Variants in MELK observed in about 807,000 individuals in gnomAD.
The protein encoded by MELK is maternal embryonic leucine zipper kinase.
MELK carries 81 observed loss-of-function variants against 85.0 expected under a neutral mutation model. That is an observed-to-expected ratio of 0.95 (90% CI 0.80 to 1.15). MELK has a LOEUF of 1.15. Ranked by LOEUF, MELK falls within the 50% of genes most tolerant of loss-of-function variation. The pLI is 0.00. For missense variants in MELK, 754 were observed against 777.5 expected (o/e 0.97, Z 0.36); for synonymous variants, 252 against 265.0 (o/e 0.95, Z 0.48).
intron 11 of MELK, among the ~76,000 whole-genome samples, chr9:36,646,495 A>G (rs1213502911): frequency 6.6e-6 from 1 of 152,182 alleles, no homozygotes; most frequent in South Asian, 2.1e-4. Context: ...TGCTTTCTCT[A>G]TGCAGCGGTG....
At chr9:36,591,887 C>T (rs1474450001) in intron 4 of MELK, among the ~76,000 whole-genome samples, 1 of 152,116 alleles carries the variant, frequency 6.6e-6, no homozygotes, top group Non-Finnish European at 1.5e-5. Flanking sequence ...GATTGCACCA[C>T]TGCACTCCAG....
At chr9:36,590,430 A>G (rs920825936) in intron 4 of MELK, among the ~76,000 whole-genome samples, 1 of 152,112 alleles carries the variant, frequency 6.6e-6, no homozygotes, top group Non-Finnish European at 1.5e-5. Flanking sequence ...AGTTGCTGGC[A>G]GTCCTTGGCA....
At chr9:36,597,976 A>T (rs539316892) in intron 6 of MELK, among the ~76,000 whole-genome samples, 1 of 152,312 alleles carries the variant, frequency 6.6e-6, no homozygotes, top group South Asian at 2.1e-4. Flanking sequence ...GTCTACACTC[A>T]TTAAGAATGT....
intron 7 of MELK, 78 bp downstream of exon 7, chr9:36,599,564 C>T (rs1824696372): frequency 4.2e-6 from 4 of 962,768 alleles, no homozygotes; most frequent in East Asian, 2.5e-5. Flanking sequence ...AGGCACTGTG[C>T]GTTGGGGGTA....
At chr9:36,660,450 G>A (rs909064460) in intron 13 of MELK, among the ~76,000 whole-genome samples, 1 of 151,340 alleles carries the variant, frequency 6.6e-6, no homozygotes, top group Admixed American at 6.6e-5. Context: ...CCCGAGTATC[G>A]GGGACTATAG....
intron 8 of MELK, among the ~76,000 whole-genome samples, chr9:36,616,191 A>G (rs1224986516): frequency 2.6e-5 from 4 of 152,120 alleles, no homozygotes; most frequent in Admixed American, 6.5e-5. Flanking sequence ...AGTAAAATTG[A>G]CCCTTTGTAT....
intron 12 of MELK, 80 bp from the exon 13 acceptor site, chr9:36,657,161 G>A (rs779343180): frequency 3.7e-5 from 54 of 1,444,572 alleles, no homozygotes; most frequent in Admixed American, 6.8e-5. Flanking sequence ...TGTCTCTGTC[G>A]TTAAGTGACG....
chr9:36,592,172 CTTTTT>C (rs35073009), intron 4 of MELK, among the ~76,000 whole-genome samples: 2 of 117,326 alleles, frequency 1.7e-5, no homozygotes, highest in African/African-American at 6.8e-5. Context: ...CATTTCTTTT[CTTTTT>C]TTTTTTTTTT....
rs571639293 is a variant in MELK at position 36,618,696 on chromosome 9, A to T, written c.666+11023A>T. Among the ~76,000 whole-genome samples the T allele has an allele frequency of 4.6e-5, 7 of 152,310 alleles. No homozygotes were observed. In the South Asian group the frequency reaches 1.5e-3, roughly 32 times the overall value. On this transcript the variant is annotated intron_variant, in intron 8 of 17. Transcript: ENST00000298048. Reference sequence around the variant, plus strand: ...AGAGTTTTGAGCCACTTGTCTATTCAATGAGGATTTAGCTTCATTAAACCG... The same window carrying T: ...AGAGTTTTGAGCCACTTGTCTATTCTATGAGGATTTAGCTTCATTAAACCG...
chr9:36,637,024 G>A (rs1829288135), intron 10 of MELK, among the ~76,000 whole-genome samples: 1 of 151,826 alleles, frequency 6.6e-6, no homozygotes, highest in African/African-American at 2.4e-5. Flanking sequence ...GGTAGAGACG[G>A]GGTTTCACCA....
At chr9:36,598,542 G>A (rs1824552436) in intron 6 of MELK, among the ~76,000 whole-genome samples, 1 of 152,160 alleles carries the variant, frequency 6.6e-6, no homozygotes, top group South Asian at 2.1e-4. Flanking sequence ...GGAGGGCAGA[G>A]GAGGATGAGC....
chr9:36,589,627 C>T lies in MELK; in HGVS notation c.236C>T (p.Ala79Val). The part of the protein sequence containing the change: ...ICQLYHVLET[A>V]NKIFMVLEYC... ...CAACTCTACCATGTGCTAGAGACAG[C>T]CAACAAAATATTCATGGTTCTTGAG... The change falls in exon 4 of 18, where the codon GCC (alanine) becomes GTC (valine). Residue 79 changes from alanine (A) to valine (V), a missense_variant. Coordinates refer to ENST00000298048, the MANE Select transcript of MELK (RefSeq NM_014791.4). The T allele has an allele frequency of 1.9e-6, 3 of 1,612,190 alleles. No individual in the cohort carries two copies. The highest frequency in any genetic ancestry group is 1.1e-5 in the South Asian group (1 of 91,038).
At chr9:36,663,465 T>G (rs976008338) in intron 13 of MELK, among the ~76,000 whole-genome samples, 10 of 152,222 alleles carry the variant, frequency 6.6e-5, no homozygotes, top group African/African-American at 2.4e-4. Flanking sequence ...TGAGAGGTTT[T>G]AAGGTGTCAG....
At chr9:36,593,836 C>T (rs376357031) in intron 4 of MELK, among the ~76,000 whole-genome samples, 14 of 152,204 alleles carry the variant, frequency 9.2e-5, no homozygotes, top group African/African-American at 1.7e-4. Flanking sequence ...GGATTACAGG[C>T]GCCCGCCACC....
chr9:36,643,694 G>A (rs534229968), intron 11 of MELK, among the ~76,000 whole-genome samples: 1 of 152,162 alleles, frequency 6.6e-6, no homozygotes, highest in Non-Finnish European at 1.5e-5. Flanking sequence ...CAGCACTTTC[G>A]GAGGCTGAGG....
chr9:36,674,949 AT>A lies in MELK; in HGVS notation c.1778+15del. On this transcript the variant is annotated intron_variant, in intron 17 of 17. Transcript: ENST00000298048. Reference sequence around the variant, plus strand: ...TTTGTACAAAAGGGGTAAGAAGCACATTTACAAGCTGTTGCATTTATTAGTA... The same window carrying A: ...TTTGTACAAAAGGGGTAAGAAGCACATTACAAGCTGTTGCATTTATTAGTA... The A allele has an allele frequency of 6.5e-7, 1 of 1,527,174 alleles. No individual in the cohort carries two copies. The highest frequency in any genetic ancestry group is 9.1e-7 in the Non-Finnish European group (1 of 1,103,402). 94.6% of individuals were successfully genotyped at this position (1,527,174 alleles called of 1,614,324 possible). A position where few individuals can be genotyped will look rare whatever the true frequency, so the allele number is the denominator to read the frequency against.
chr9:36,615,425 G>T (rs1201831578), intron 8 of MELK, among the ~76,000 whole-genome samples: 2 of 140,136 alleles, frequency 1.4e-5, no homozygotes, highest in Admixed American at 6.8e-5. Context: ...CGGACGGCAC[G>T]GCTGGCCAGG....
At chr9:36,675,921 G>T (rs1048533096) in intron 17 of MELK, among the ~76,000 whole-genome samples, 1 of 152,150 alleles carries the variant, frequency 6.6e-6, no homozygotes, top group Non-Finnish European at 1.5e-5. Flanking sequence ...TTAGTTTTTA[G>T]TTATCTGTAA....
intron 10 of MELK, among the ~76,000 whole-genome samples, chr9:36,641,576 C>T (rs1455379963): frequency 1.3e-5 from 2 of 151,534 alleles, no homozygotes; most frequent in East Asian, 3.9e-4. Context: ...ATAAAGCATC[C>T]CTCACTCGGG....
Sources: allele counts gnomAD v4.1 joint callset (sites outside exome capture counted in the v4.1 genomes callset), GRCh38; gene constraint gnomAD v4.1.1; transcripts MANE v1.5; gene names NCBI Gene and HGNC (gene_info 2026-07-23, HGNC 2026-07-21).